CDIP1: variants seen among roughly 807,000 people sequenced by gnomAD.
CDIP1 encodes the protein cell death-inducing p53-target protein 1.
In CDIP1, 9 loss-of-function variants were observed where a neutral mutation model predicts 17.7. That is an observed-to-expected ratio of 0.51 (90% CI 0.31 to 0.89). The LOEUF is 0.89. Ranked by LOEUF, CDIP1 falls within the 40% of genes least tolerant of loss-of-function variation. CDIP1 has a pLI of 0.05. For missense variants in CDIP1, 263 were observed against 277.9 expected, an observed-to-expected ratio of 0.95 and a Z score of 0.38; for synonymous variants, 117 against 109.5, an observed-to-expected ratio of 1.07 and a Z score of -0.43.
intron 1 of CDIP1, among the ~76,000 whole-genome samples, chr16:4,525,057 G>A (rs1010748237): frequency 7.2e-5 from 11 of 152,112 alleles, no homozygotes; most frequent in South Asian, 4.1e-4. Context: ...GCTATGTCAC[G>A]CCAATGCACT....
At chr16:4,519,237 C>A (rs2058919544) in intron 1 of CDIP1, among the ~76,000 whole-genome samples, 1 of 152,298 alleles carries the variant, frequency 6.6e-6, no homozygotes, top group South Asian at 2.1e-4. Flanking sequence ...CACACCATAA[C>A]AATCAACAGA....
chr16:4,517,123 G>A (rs973260326), intron 1 of CDIP1, among the ~76,000 whole-genome samples: 59 of 152,172 alleles, frequency 3.9e-4, no homozygotes, highest in African/African-American at 1.4e-3. Context: ...TATCTCCTCA[G>A]GCTAAGCTTG....
intron 1 of CDIP1, among the ~76,000 whole-genome samples, chr16:4,519,407 C>G (rs965619783): frequency 6.8e-6 from 1 of 147,854 alleles, no homozygotes; most frequent in Non-Finnish European, 1.5e-5. Context: ...GACTGCCCCC[C>G]ACTTCTGATC....
chr16:4,528,417 T>C (rs767722705), intron 1 of CDIP1, among the ~76,000 whole-genome samples: 2 of 152,082 alleles, frequency 1.3e-5, no homozygotes, highest in East Asian at 1.9e-4. Flanking sequence ...AGTAGGAGTT[T>C]AGGGGATTTG....
At chr16:4,516,593 A>ATCC (rs1382871885) in intron 1 of CDIP1, among the ~76,000 whole-genome samples, 2 of 151,826 alleles carry the variant, frequency 1.3e-5, no homozygotes, top group Non-Finnish European at 2.9e-5. Context: ...GCCTCAAACA[A>ATCC]TCCTCCTGCC....
intron 1 of CDIP1, chr16:4,536,693 T>G (rs2141665321): frequency 6.8e-6 from 1 of 146,556 alleles, no homozygotes; most frequent in East Asian, 2.0e-4. Context: ...TCCCAGCACT[T>G]TGGGAGGGTG....
Position 4,513,720 on chromosome 16 carries a change from C to T in CDIP1, c.217G>A (p.Ala73Thr). The T allele has an allele frequency of 6.2e-7, 1 of 1,613,726 alleles. No homozygotes were observed. The highest frequency in any genetic ancestry group is 1.3e-5 in the African/African-American group (1 of 75,034). Residue 73 changes from alanine (A) to threonine (T), a missense_variant, in exon 4 of 6, where the codon GCA (alanine) becomes ACA (threonine). Coordinates refer to ENST00000567695, the MANE Select transcript of CDIP1 (RefSeq NM_013399.3). The surrounding 1 kb of genome is among the most constrained non-coding windows in gnomAD (Gnocchi z 4.1). ...QPGFIPPHMS[A>T]DGTYMPPGFY... ...CCCGGAGGCATGTAGGTGCCATCTG[C>T]ACTCATGTGTGGTGGGATGAAGCCA...
chr16:4,527,325 G>C (rs1023065417), intron 1 of CDIP1, among the ~76,000 whole-genome samples: 2 of 152,078 alleles, frequency 1.3e-5, no homozygotes, highest in Non-Finnish European at 2.9e-5. Context: ...ATGATCTCGT[G>C]ATCCACCTGC....
At chr16:4,531,920 C>T (rs1207222931) in intron 1 of CDIP1, among the ~76,000 whole-genome samples, 1 of 152,238 alleles carries the variant, frequency 6.6e-6, no homozygotes, top group African/African-American at 2.4e-5. Context: ...GTGCCCGGTC[C>T]CCTGCTTTCC....
At chr16:4,526,242 A>C (rs1435184750) in intron 1 of CDIP1, among the ~76,000 whole-genome samples, 1 of 152,096 alleles carries the variant, frequency 6.6e-6, no homozygotes, top group Non-Finnish European at 1.5e-5. Flanking sequence ...CTGTTTGTAC[A>C]AAAAATACAA....
intron 1 of CDIP1, chr16:4,532,840 T>G (rs192552472): frequency 6.6e-6 from 1 of 152,302 alleles, no homozygotes; most frequent in East Asian, 1.9e-4. Flanking sequence ...GGACAGAAAC[T>G]AAGGCCTGAG....
intron 1 of CDIP1, chr16:4,536,446 A>AAGAGCCGAC (rs1330045779): frequency 1.3e-5 from 2 of 152,200 alleles, no homozygotes; most frequent in Non-Finnish European, 2.9e-5. Flanking sequence ...TTACAGTGTA[A>AAGAGCCGAC]AGAGCCGACA....
chr16:4,522,150 A>G (rs9938647), intron 1 of CDIP1, among the ~76,000 whole-genome samples: 16,659 of 152,190 alleles, frequency 0.11, 1,865 homozygotes, highest in African/African-American at 0.28. Context: ...GTTCCCTCAC[A>G]GCACAGCTCA....
intron 1 of CDIP1, among the ~76,000 whole-genome samples, chr16:4,518,411 C>T (rs75636908): frequency 0.011 from 1,736 of 152,332 alleles, 35 homozygotes; most frequent in African/African-American, 0.04. Context: ...TGGACCTGCA[C>T]AGGGCTGGCT....
intron 1 of CDIP1, among the ~76,000 whole-genome samples, chr16:4,520,117 GTT>G (rs34493542): frequency 1.4e-5 from 2 of 143,294 alleles, no homozygotes; most frequent in African/African-American, 2.5e-5. Flanking sequence ...CAAGTGGTAG[GTT>G]TTTTTTTTTT....
intron 1 of CDIP1, among the ~76,000 whole-genome samples, chr16:4,535,345 C>A (rs2059096763): frequency 6.6e-6 from 1 of 152,218 alleles, no homozygotes; most frequent in African/African-American, 2.4e-5. Context: ...AAATCAGGAG[C>A]ACTGAAAAGG....
chr16:4,529,755 C>A (rs1483090252), intron 1 of CDIP1, among the ~76,000 whole-genome samples: 4 of 152,238 alleles, frequency 2.6e-5, no homozygotes, highest in Non-Finnish European at 5.9e-5. Flanking sequence ...TCTATTCAAC[C>A]AGCTGTCTGT....
intron 1 of CDIP1, among the ~76,000 whole-genome samples, chr16:4,529,732 G>A (rs1308834164): frequency 1.3e-5 from 2 of 152,216 alleles, no homozygotes; most frequent in African/African-American, 4.8e-5. Flanking sequence ...AAAATGGACA[G>A]TCTTGGGTTG....
rs1465027850 is a variant in CDIP1 at position 4,510,750 on chromosome 16, G to T, written c.*1822C>A. On this transcript the variant is annotated 3_prime_UTR_variant, in exon 6 of 6. Transcript: ENST00000567695. ...TAATAGGAATCTACTACCTGTAAAA[G>T]TTTTATTTCAAAAAGGGTTAAAAAG... is the stretch of plus-strand genomic sequence containing the variant. The T allele has an allele frequency of 6.6e-6, 1 of 152,158 alleles. No individual in the cohort carries two copies. The highest frequency in any genetic ancestry group is 6.5e-5 in the Admixed American group (1 of 15,284). The allele number at this position is 152,158 out of a possible 1,614,324, so 9.4% of individuals were successfully genotyped here. A position where few individuals can be genotyped will look rare whatever the true frequency, so the allele number is the denominator to read the frequency against.
Sources: allele counts gnomAD v4.1 joint callset (sites outside exome capture counted in the v4.1 genomes callset), GRCh38; gene constraint gnomAD v4.1.1; non-coding constraint Gnocchi (gnomAD v3.1); transcripts MANE v1.5; gene names NCBI Gene and HGNC (gene_info 2026-07-23, HGNC 2026-07-21).